Variants in ZDHHC21 observed in about 807,000 individuals in gnomAD.
ZDHHC21 encodes the protein palmitoyltransferase ZDHHC21.
Under a neutral mutation model 34.6 loss-of-function variants are expected in ZDHHC21, and 15 were observed. The ratio of observed to expected loss-of-function variants is 0.43; its 90% confidence interval spans 0.29 to 0.67. ZDHHC21 has a LOEUF of 0.67. Among genes scored for constraint, ZDHHC21 ranks in the 30% least tolerant of loss-of-function variants. The pLI is 0.14. For synonymous variants in ZDHHC21, 142 were observed against 101.8 expected (o/e 1.40, Z -2.38); for missense variants, 344 against 327.7 (o/e 1.05, Z -0.38).
Position 14,686,745 on chromosome 9 carries a change from G to A in ZDHHC21, c.-176+3592C>T, listed in dbSNP as rs1342838447. On this transcript the variant is annotated intron_variant, in intron 2 of 9. Transcript: ENST00000380916. ...CCCAGCACTTTGGGAGGCCGAGGTG[G>A]GAGGATCACTTGAGGTCAGGAGTTC... Among the ~76,000 whole-genome samples the A allele has an allele frequency of 2.0e-5, 3 of 151,720 alleles. No homozygotes were observed. In the South Asian group the frequency reaches 6.2e-4, roughly 31 times the overall value.
intron 4 of ZDHHC21, among the ~76,000 whole-genome samples, chr9:14,673,667 T>C (rs1835867330): frequency 6.6e-6 from 1 of 152,026 alleles, no homozygotes; most frequent in Non-Finnish European, 1.5e-5. Flanking sequence ...TGAGGTAATG[T>C]GCATGAAAAC....
At chr9:14,604,439 T>C in the ZDHHC21 span, among the ~76,000 whole-genome samples, 1 of 152,192 alleles carries the variant, frequency 6.6e-6, no homozygotes, top group Non-Finnish European at 1.5e-5. Flanking sequence ...TAGTATCATT[T>C]ATGGATGCTA....
At chr9:14,691,602 A>G (rs1172654092) in intron 1 of ZDHHC21, among the ~76,000 whole-genome samples, 1 of 152,200 alleles carries the variant, frequency 6.6e-6, no homozygotes, top group Admixed American at 6.5e-5. Context: ...CTTATTAAAC[A>G]AAGTACCTCG....
chr9:14,647,746 C>A (rs1830517180), intron 7 of ZDHHC21, among the ~76,000 whole-genome samples: 1 of 152,112 alleles, frequency 6.6e-6, no homozygotes, highest in Non-Finnish European at 1.5e-5. Context: ...TCTTAGTCAC[C>A]TTTCTTATTA....
intron 8 of ZDHHC21, among the ~76,000 whole-genome samples, chr9:14,634,219 G>A (rs1330730232): frequency 1.3e-5 from 2 of 152,156 alleles, no homozygotes; most frequent in African/African-American, 2.4e-5. Flanking sequence ...GGCCCACCCA[G>A]CCCATTGCTG....
intron 8 of ZDHHC21, among the ~76,000 whole-genome samples, chr9:14,635,674 C>T (rs1055386175): frequency 6.6e-6 from 1 of 152,168 alleles, no homozygotes; most frequent in African/African-American, 2.4e-5. Context: ...ACAAGAAATG[C>T]TTAAGAGAGT....
At chr9:14,621,834 AG>A (rs1267015325) in intron 8 of ZDHHC21, among the ~76,000 whole-genome samples, 1 of 152,152 alleles carries the variant, frequency 6.6e-6, no homozygotes, top group African/African-American at 2.4e-5. Flanking sequence ...AAAAACCACA[AG>A]TTATCCTCAA....
intron 8 of ZDHHC21, among the ~76,000 whole-genome samples, chr9:14,639,266 C>T (rs1467731518): frequency 2.0e-5 from 3 of 152,006 alleles, no homozygotes; most frequent in Non-Finnish European, 2.9e-5. Context: ...CACAGAAAGA[C>T]AAATATCATA....
In ZDHHC21 at chr9:14,617,942, T is replaced by C. The variant is rs928472694; in HGVS notation, c.*1024A>G. ...CCTATAAATAAAATTTCTATATGAGTTGGCCAATATATATAAACCTTCAAT... is the reference window on the plus strand; with the variant it reads ...CCTATAAATAAAATTTCTATATGAGCTGGCCAATATATATAAACCTTCAAT... On this transcript the variant is annotated 3_prime_UTR_variant, in exon 10 of 10. Coordinates refer to ENST00000380916, the MANE Select transcript of ZDHHC21 (RefSeq NM_178566.6). 5 of 152,062 alleles carry C rather than the reference T, an allele frequency of 3.3e-5. No individual in the cohort carries two copies. Among genetic ancestry groups the C allele is most frequent in the African/African-American group, 7.2e-5 (3 of 41,422 alleles). 9.4% of individuals were successfully genotyped at this position (152,062 alleles called of 1,614,324 possible). A position where few individuals can be genotyped will look rare whatever the true frequency, so the allele number is the denominator to read the frequency against.
chr9:14,602,079 T>C, the ZDHHC21 span, among the ~76,000 whole-genome samples: 10 of 151,970 alleles, frequency 6.6e-5, no homozygotes, highest in African/African-American at 1.9e-4. Context: ...CAAACCACCA[T>C]GGCAAGTGTA....
intron 4 of ZDHHC21, 44 bp downstream of exon 4, chr9:14,674,143 T>G (rs1202458905): frequency 2.9e-6 from 4 of 1,380,560 alleles, no homozygotes; most frequent in African/African-American, 1.5e-5. Context: ...ACGTTTACAA[T>G]GAGAAAAATA....
chr9:14,693,400 C>T lies in ZDHHC21; in HGVS notation c.-396G>A, dbSNP rs746623955. ...CCTGGACCGGCCGAGTGGGTGTCCG[C>T]ATGCCCGCGCGCCCGCGTGGGGAGG... On this transcript the variant is annotated 5_prime_UTR_variant, in exon 1 of 10. The change abolishes an upstream ATG in the 5' untranslated region. Coordinates refer to ENST00000380916, the MANE Select transcript of ZDHHC21 (RefSeq NM_178566.6). The T allele has an allele frequency of 1.7e-5, 5 of 300,826 alleles. No homozygotes were observed. Among genetic ancestry groups the T allele is most frequent in the South Asian group, 4.9e-5 (2 of 40,778 alleles). The allele number at this position is 300,826 out of a possible 1,614,324, so 18.6% of individuals were successfully genotyped here. A position where few individuals can be genotyped will look rare whatever the true frequency, so the allele number is the denominator to read the frequency against.
chr9:14,610,789 T>C (rs947561317), downstream of ZDHHC21, among the ~76,000 whole-genome samples: 6 of 152,020 alleles, frequency 3.9e-5, no homozygotes, highest in East Asian at 1.9e-4. Flanking sequence ...GTTAAATAAA[T>C]TGGGTGACTG....
intron 8 of ZDHHC21, among the ~76,000 whole-genome samples, chr9:14,638,721 A>G (rs1359655830): frequency 1.3e-5 from 2 of 152,220 alleles, no homozygotes; most frequent in South Asian, 2.1e-4. Context: ...ATGAATATGC[A>G]TATCTCAAAA....
At chr9:14,663,344 A>G (rs999531220) in intron 5 of ZDHHC21, among the ~76,000 whole-genome samples, 2 of 152,146 alleles carry the variant, frequency 1.3e-5, no homozygotes, top group Admixed American at 1.3e-4. Context: ...ATTTTAGTAC[A>G]TGAAGAGTAG....
chr9:14,630,187 A>G (rs114531963), intron 8 of ZDHHC21, among the ~76,000 whole-genome samples: 9 of 152,206 alleles, frequency 5.9e-5, no homozygotes, highest in African/African-American at 1.9e-4. Context: ...TGTGGAGTCA[A>G]TCCTCTCAAA....
chr9:14,672,469 G>T (rs1383212586), intron 5 of ZDHHC21, among the ~76,000 whole-genome samples: 1 of 152,020 alleles, frequency 6.6e-6, no homozygotes, highest in Non-Finnish European at 1.5e-5. Context: ...ATGGTAATAA[G>T]ATGACAGAGA....
At chr9:14,692,777 T>C (rs983583265) in intron 1 of ZDHHC21, among the ~76,000 whole-genome samples, 1 of 151,964 alleles carries the variant, frequency 6.6e-6, no homozygotes, top group African/African-American at 2.4e-5. Flanking sequence ...ACCAGAAGTC[T>C]GGAATGAATG....
chr9:14,689,597 A>G (rs925340403), intron 2 of ZDHHC21, among the ~76,000 whole-genome samples: 17 of 152,150 alleles, frequency 1.1e-4, no homozygotes, highest in Non-Finnish European at 7.3e-5. Flanking sequence ...ATAAATGTAC[A>G]TGACTGTATT....
Sources: allele counts gnomAD v4.1 joint callset (sites outside exome capture counted in the v4.1 genomes callset), GRCh38; gene constraint gnomAD v4.1.1; transcripts MANE v1.5; gene names NCBI Gene and HGNC (gene_info 2026-07-23, HGNC 2026-07-21).